BLTP2: variants seen among roughly 807,000 people sequenced by gnomAD.
BLTP2 encodes U937-associated antigen.
the BLTP2 span, among the ~76,000 whole-genome samples, chr17:28,621,904 G>A: frequency 1.2e-4 from 18 of 152,220 alleles, no homozygotes; most frequent in South Asian, 3.3e-3. Context: ...TGCCATGGGC[G>A]AAGGGAATTG....
the BLTP2 span, chr17:28,614,530 A>G: frequency 5.2e-6 from 1 of 191,878 alleles, no homozygotes; most frequent in South Asian, 1.2e-4. Context: ...TAGGGGACCC[A>G]TGGCCAGCCC....
the BLTP2 span, chr17:28,643,672 G>A: frequency 6.2e-7 from 1 of 1,613,722 alleles, no homozygotes; most frequent in East Asian, 2.2e-5. Flanking sequence ...AAAACAGTGA[G>A]GGAGAAAGCT....
At chr17:28,619,780 G>A in the BLTP2 span, 1 of 1,614,082 alleles carries the variant, frequency 6.2e-7, no homozygotes, top group Non-Finnish European at 8.5e-7. Flanking sequence ...CAAAGACTAG[G>A]GAACCAGGAT....
the BLTP2 span, chr17:28,633,998 C>A: frequency 6.2e-7 from 1 of 1,614,176 alleles, no homozygotes. Flanking sequence ...GGGAGCAAGG[C>A]TGACCACTCT....
chr17:28,639,475 C>T, the BLTP2 span: 1 of 1,612,910 alleles, frequency 6.2e-7, no homozygotes, highest in Non-Finnish European at 8.5e-7. Context: ...AATAAGAAGA[C>T]CAGAACTGTG....
At chr17:28,621,376 T>A in the BLTP2 span, 1 of 1,591,710 alleles carries the variant, frequency 6.3e-7, no homozygotes, top group South Asian at 1.1e-5. Context: ...AATCATTTGA[T>A]GCAGAGGAGG....
the BLTP2 span, chr17:28,634,067 T>A: frequency 6.2e-7 from 1 of 1,614,138 alleles, no homozygotes; most frequent in Non-Finnish European, 8.5e-7. Context: ...ACAGGTACCG[T>A]GGATAGTCCC....
At chr17:28,623,735 G>T in the BLTP2 span, 1 of 1,593,356 alleles carries the variant, frequency 6.3e-7, no homozygotes, top group East Asian at 2.2e-5. Context: ...GAATATAATG[G>T]GCCTTCACAA....
At chr17:28,639,044 A>C in the BLTP2 span, 3 of 499,348 alleles carry the variant, frequency 6.0e-6, no homozygotes, top group Non-Finnish European at 1.1e-5. Context: ...AGACAAAGAC[A>C]TTCCTTATCA....
chr17:28,622,757 C>T, the BLTP2 span, among the ~76,000 whole-genome samples: 3 of 152,202 alleles, frequency 2.0e-5, no homozygotes, highest in African/African-American at 4.8e-5. Flanking sequence ...TTTCTGCCAA[C>T]TGCTCACAAT....
the BLTP2 span, chr17:28,640,567 G>C: frequency 6.2e-7 from 1 of 1,614,012 alleles, no homozygotes; most frequent in Non-Finnish European, 8.5e-7. Context: ...CACCTCTTTT[G>C]ACTATTCATG....
the BLTP2 span, chr17:28,624,494 A>C: frequency 1.6e-5 from 16 of 1,024,006 alleles, no homozygotes; most frequent in Non-Finnish European, 2.3e-5. Context: ...TGGCTAGGTA[A>C]GAGCTTAGAA....
At chr17:28,634,236 A>C in the BLTP2 span, 1 of 744,228 alleles carries the variant, frequency 1.3e-6, no homozygotes, top group Admixed American at 2.7e-5. Flanking sequence ...CAAGCTGAAA[A>C]ATGACAGTGA....
the BLTP2 span, chr17:28,643,227 C>T: frequency 6.2e-7 from 1 of 1,614,188 alleles, no homozygotes. Flanking sequence ...CCCCAGCGCT[C>T]TGGGAGAATG....
At chr17:28,620,678 AT>A in the BLTP2 span, 2 of 1,602,306 alleles carry the variant, frequency 1.2e-6, no homozygotes, top group Non-Finnish European at 1.7e-6. Context: ...TTCTACCTAA[AT>A]ATCTACTCCA....
the BLTP2 span, among the ~76,000 whole-genome samples, chr17:28,624,587 C>G: frequency 3.3e-5 from 5 of 152,298 alleles, no homozygotes; most frequent in South Asian, 1.0e-3. Context: ...ACTTTCCCTT[C>G]AATTTTAATA....
the BLTP2 span, chr17:28,619,940 T>C: frequency 3.1e-6 from 5 of 1,614,080 alleles, no homozygotes; most frequent in Non-Finnish European, 4.2e-6. Context: ...AAATGCAGTA[T>C]GCTGCTGCGT....
the BLTP2 span, among the ~76,000 whole-genome samples, chr17:28,626,674 A>G: frequency 3.3e-5 from 5 of 152,218 alleles, no homozygotes; most frequent in South Asian, 4.1e-4. Context: ...TAAAAACCCA[A>G]AAGGACAGGG....
chr17:28,623,310 T>G, the BLTP2 span, among the ~76,000 whole-genome samples: 1 of 152,204 alleles, frequency 6.6e-6, no homozygotes, highest in Non-Finnish European at 1.5e-5. Flanking sequence ...GGGAAAGCTA[T>G]CATTAGAAAT....
Sources: gnomAD v4.1 joint callset for allele counts (sites outside exome capture counted in the v4.1 genomes callset) on GRCh38, gnomAD v4.1.1 for gene constraint, MANE v1.5 for transcripts, NCBI Gene and HGNC (gene_info 2026-07-23, HGNC 2026-07-21) for gene names.